The following ZNG1E variants were observed in gnomAD, a reference collection of about 807,000 sequenced individuals.
ZNG1E encodes Zn regulated GTPase metalloprotein activator 1E.
the ZNG1E span, among the ~76,000 whole-genome samples, chr9:65,691,401 A>G: frequency 6.6e-6 from 1 of 151,638 alleles, no homozygotes; most frequent in African/African-American, 2.4e-5. Context: ...TTTTAGTAAA[A>G]TCTTTATGGT....
the ZNG1E span, chr9:65,704,673 G>T: frequency 1.3e-6 from 1 of 785,282 alleles, no homozygotes; most frequent in Admixed American, 8.8e-5. Flanking sequence ...AGCACTTTGG[G>T]AGGCCAAGGT....
the ZNG1E span, among the ~76,000 whole-genome samples, chr9:65,669,988 TTAAA>T: frequency 1.4e-5 from 2 of 147,924 alleles, no homozygotes; most frequent in Non-Finnish European, 3.0e-5. Context: ...ATGAAAAATG[TTAAA>T]TAAACTGATA....
chr9:65,694,412 G>A, the ZNG1E span, among the ~76,000 whole-genome samples: 4,751 of 148,748 alleles, frequency 0.032, 17 homozygotes, highest in African/African-American at 0.068. Context: ...GAGTTAAATA[G>A]AATCTATTAT....
At chr9:65,672,416 T>G in the ZNG1E span, among the ~76,000 whole-genome samples, 72 of 151,276 alleles carry the variant, frequency 4.8e-4, no homozygotes, top group African/African-American at 1.7e-3. Flanking sequence ...CATTTTCAAT[T>G]TAACAATTTA....
At chr9:65,700,075 A>T in the ZNG1E span, among the ~76,000 whole-genome samples, 1 of 148,332 alleles carries the variant, frequency 6.7e-6, no homozygotes, top group Non-Finnish European at 1.5e-5. Context: ...TTAGCGGATT[A>T]GGAGTAAACT....
chr9:65,678,650 CTT>C, the ZNG1E span, among the ~76,000 whole-genome samples: 5 of 136,208 alleles, frequency 3.7e-5, no homozygotes, highest in Non-Finnish European at 7.7e-5. Flanking sequence ...GTTCACAAGA[CTT>C]TTTTTTCTAC....
At chr9:65,698,901 T>A in the ZNG1E span, among the ~76,000 whole-genome samples, 105,274 of 132,716 alleles carry the variant, frequency 0.79, 42,249 homozygotes, top group South Asian at 0.89. Context: ...TAATAATAAT[T>A]ATTATTATTA....
At chr9:65,723,677 TG>T in the ZNG1E span, among the ~76,000 whole-genome samples, 2 of 121,302 alleles carry the variant, frequency 1.6e-5, no homozygotes, top group Non-Finnish European at 3.3e-5. Flanking sequence ...TAAAAGTTAT[TG>T]TATGTTAGGT....
At chr9:65,654,117 G>A in the ZNG1E span, among the ~76,000 whole-genome samples, 1 of 151,598 alleles carries the variant, frequency 6.6e-6, no homozygotes, top group Non-Finnish European at 1.5e-5. Context: ...AATCATGGGG[G>A]CGGTTAGCCC....
the ZNG1E span, among the ~76,000 whole-genome samples, chr9:65,668,518 T>C: frequency 2.7e-5 from 4 of 150,910 alleles, no homozygotes; most frequent in African/African-American, 9.7e-5. Flanking sequence ...CACACATATA[T>C]ATATATGTGT....
At chr9:65,721,427 A>G in the ZNG1E span, among the ~76,000 whole-genome samples, 1 of 146,878 alleles carries the variant, frequency 6.8e-6, no homozygotes, top group Middle Eastern at 3.2e-3. Context: ...GGACTTGGGT[A>G]TGTGTATATT....
chr9:65,693,588 C>CAAAA, the ZNG1E span: 1 of 862,956 alleles, frequency 1.2e-6, no homozygotes, highest in Non-Finnish European at 1.6e-6. Context: ...GACAGAGTCT[C>CAAAA]ACTCTGTTGC....
At chr9:65,693,679 T>G in the ZNG1E span, among the ~76,000 whole-genome samples, 4 of 150,032 alleles carry the variant, frequency 2.7e-5, no homozygotes, top group East Asian at 8.0e-4. Flanking sequence ...TGTCTCAGCC[T>G]CCTGAGTATC....
the ZNG1E span, among the ~76,000 whole-genome samples, chr9:65,685,486 G>A: frequency 2.0e-5 from 3 of 151,892 alleles, no homozygotes; most frequent in African/African-American, 7.3e-5. Flanking sequence ...CATTTTGACA[G>A]TGTTCATAGC....
chr9:65,693,553 T>C, the ZNG1E span: 1 of 138,244 alleles, frequency 7.2e-6, no homozygotes, highest in African/African-American at 7.7e-5. Context: ...AACATGTTAA[T>C]TTTTTTTTTT....
the ZNG1E span, among the ~76,000 whole-genome samples, chr9:65,727,763 T>C: frequency 2.0e-4 from 20 of 100,052 alleles, no homozygotes; most frequent in Admixed American, 1.1e-3. Flanking sequence ...GAATTACTAA[T>C]AGACCTAAAA....
At chr9:65,678,095 GTTT>G in the ZNG1E span, among the ~76,000 whole-genome samples, 1 of 141,686 alleles carries the variant, frequency 7.1e-6, no homozygotes, top group Admixed American at 7.2e-5. Context: ...GTCTTAAAGT[GTTT>G]TTTTTTTTTT....
the ZNG1E span, among the ~76,000 whole-genome samples, chr9:65,721,591 C>T: frequency 6.7e-6 from 1 of 149,830 alleles, no homozygotes; most frequent in Non-Finnish European, 1.5e-5. Flanking sequence ...ATTTCTTTTG[C>T]CTGGAGTATT....
At chr9:65,662,138 C>A in the ZNG1E span, among the ~76,000 whole-genome samples, 56 of 152,330 alleles carry the variant, frequency 3.7e-4, no homozygotes, top group African/African-American at 1.2e-3. Flanking sequence ...GAGAAGGATG[C>A]AACATCAACT....
Sources: gnomAD v4.1 joint callset for allele counts (sites outside exome capture counted in the v4.1 genomes callset) on GRCh38, gnomAD v4.1.1 for gene constraint, MANE v1.5 for transcripts, NCBI Gene and HGNC (gene_info 2026-07-23, HGNC 2026-07-21) for gene names.